LPIN2: variants seen among roughly 807,000 people sequenced by gnomAD.
LPIN2 encodes the protein lipin 2.
Under a neutral mutation model 111.4 loss-of-function variants are expected in LPIN2, and 55 were observed. The ratio of observed to expected loss-of-function variants is 0.49; its 90% CI spans 0.40 to 0.62. The LOEUF (loss-of-function observed/expected upper bound fraction) is 0.62, where lower values mean the gene tolerates loss of function less well. LPIN2 is among the 20% of genes least tolerant of loss of function. The pLI is 0.00. For synonymous variants in LPIN2, 425 were observed against 414.0 expected, an observed-to-expected ratio of 1.03 and a Z score of -0.32; for missense variants, 992 against 1,112.1, an observed-to-expected ratio of 0.89 and a Z score of 1.54.
intron 12 of LPIN2, among the ~76,000 whole-genome samples, chr18:2,927,404 G>A (rs953178102): frequency 3.9e-5 from 6 of 152,226 alleles, no homozygotes; most frequent in African/African-American, 1.4e-4. Flanking sequence ...GTAATACAGT[G>A]AAGCAGAAAG....
chr18:2,961,267 T>C (rs115992762), intron 1 of LPIN2, among the ~76,000 whole-genome samples: 1 of 152,100 alleles, frequency 6.6e-6, no homozygotes, highest in African/African-American at 2.4e-5. Flanking sequence ...AAAACAAACA[T>C]CATCCCCGGG....
Position 2,918,199 on chromosome 18 carries a change from C to A in LPIN2, c.*2094G>T, listed in dbSNP as rs2076997303. 6.6e-6 allele frequency: 1 copy of A among 152,208 alleles called. No homozygotes were observed. Among genetic ancestry groups the A allele is most frequent in the African/African-American group, 2.4e-5 (1 of 41,448 alleles). The allele number at this position is 152,208 out of a possible 1,614,324, so 9.4% of individuals were successfully genotyped here. On this transcript the variant is annotated 3_prime_UTR_variant, in exon 20 of 20. Coordinates refer to ENST00000677752, the MANE Select transcript of LPIN2 (RefSeq NM_001375808.2). ...ACAGAGGGACCAGCTACCCTCAACA[C>A]AGGGCCAGGAGAGCCGGGTCCTAGA...
chr18:3,010,873 AC>A lies in LPIN2; in HGVS notation c.-10+2213del, dbSNP rs548683990. Among the ~76,000 whole-genome samples, 198 of 152,252 alleles carry A rather than the reference AC, an allele frequency of 1.3e-3. 1 individual carries two copies. The highest frequency in any genetic ancestry group is 4.3e-3 in the African/African-American group (179 of 41,546). On this transcript the variant is annotated intron_variant, in intron 1 of 19. Transcript: ENST00000677752. ...TAATATTAATAAAAGTAAACATTTG[AC>A]CCTTTACCACCTCTAACACGTGGCA...
At chr18:2,941,219 T>C (rs1040029044) in intron 4 of LPIN2, among the ~76,000 whole-genome samples, 5 of 152,208 alleles carry the variant, frequency 3.3e-5, no homozygotes, top group Admixed American at 3.3e-4. Flanking sequence ...ACAAGATCTA[T>C]GGCTCAAAAT....
intron 2 of LPIN2, 49 bp from the exon 3 acceptor site, chr18:2,954,648 A>C: frequency 7.9e-7 from 1 of 1,269,036 alleles, no homozygotes; most frequent in African/African-American, 1.5e-5. Context: ...TCTTTCCTTC[A>C]AGTTAAACTA....
At chr18:2,974,280 G>A (rs1454159016) in intron 1 of LPIN2, among the ~76,000 whole-genome samples, 5 of 151,966 alleles carry the variant, frequency 3.3e-5, no homozygotes, top group South Asian at 2.1e-4. Flanking sequence ...GGGTTTCACC[G>A]TGTTAGCCAG....
At chr18:2,927,128 G>A (rs913811511) in intron 12 of LPIN2, among the ~76,000 whole-genome samples, 7 of 152,100 alleles carry the variant, frequency 4.6e-5, no homozygotes, top group African/African-American at 1.4e-4. Flanking sequence ...AACTCACCAC[G>A]TGCAGAAGGG....
At chr18:2,968,667 A>C (rs978024911) in intron 1 of LPIN2, among the ~76,000 whole-genome samples, 1 of 152,142 alleles carries the variant, frequency 6.6e-6, no homozygotes, top group African/African-American at 2.4e-5. Flanking sequence ...GAACAGATTA[A>C]GGAAGGAAGG....
intron 1 of LPIN2, among the ~76,000 whole-genome samples, chr18:2,968,325 A>C (rs976856718): frequency 5.3e-5 from 8 of 152,188 alleles, no homozygotes; most frequent in African/African-American, 1.9e-4. Context: ...ACTCAGAAAC[A>C]ATCACAAAAA....
In LPIN2 at chr18:2,929,109, A is replaced by G. The variant is rs2144150895; in HGVS notation, c.1506T>C (p.Pro502=). ...CAAGGTTAGGATTGTCTATAAGTCC[A>G]GGGTTTTCTGCAAATTCGTGATAAG... ...IITYHEFAEN[P]GLIDNPNLVI... Residue 502 remains proline (P), a synonymous_variant, in exon 10 of 20, where the codon CCT becomes CCC. Transcript: ENST00000677752. 1 of 1,607,560 alleles carries G rather than the reference A, an allele frequency of 6.2e-7. No homozygotes were observed. The highest frequency in any genetic ancestry group is 1.7e-5 in the Admixed American group (1 of 60,018).
At chr18:2,988,466 C>G (rs1342868617) in intron 1 of LPIN2, among the ~76,000 whole-genome samples, 1 of 152,206 alleles carries the variant, frequency 6.6e-6, no homozygotes, top group Non-Finnish European at 1.5e-5. Flanking sequence ...AATCTGCCTA[C>G]TTCAATCTAA....
chr18:2,938,396 C>T (rs1379681678), intron 6 of LPIN2, among the ~76,000 whole-genome samples: 3 of 152,036 alleles, frequency 2.0e-5, no homozygotes, highest in South Asian at 2.1e-4. Flanking sequence ...TGGTGGCAGG[C>T]GCCTGTAATC....
intron 1 of LPIN2, among the ~76,000 whole-genome samples, chr18:3,012,626 C>A (rs1386212757): frequency 6.6e-6 from 1 of 152,230 alleles, no homozygotes; most frequent in African/African-American, 2.4e-5. Flanking sequence ...AGATCACGTG[C>A]CCGGCGCCCC....
chr18:3,004,479 G>A (rs1000155824), intron 1 of LPIN2, among the ~76,000 whole-genome samples: 2 of 152,126 alleles, frequency 1.3e-5, no homozygotes, highest in Admixed American at 6.5e-5. Flanking sequence ...TGGTTCCCCC[G>A]ATACTGAACA....
intron 2 of LPIN2, among the ~76,000 whole-genome samples, chr18:2,958,035 G>A (rs1233853659): frequency 6.7e-6 from 1 of 150,364 alleles, no homozygotes; most frequent in Non-Finnish European, 1.5e-5. Context: ...CCAGCTACTC[G>A]GGAGGCTGAG....
chr18:2,924,345 C>A, intron 15 of LPIN2, 53 bp downstream of exon 15: 1 of 1,611,254 alleles, frequency 6.2e-7, no homozygotes, highest in East Asian at 2.2e-5. Context: ...ACTGCCTGCC[C>A]CTCCCTGAGC....
At chr18:2,965,327 T>A (rs529648167) in intron 1 of LPIN2, among the ~76,000 whole-genome samples, 1 of 152,222 alleles carries the variant, frequency 6.6e-6, no homozygotes, top group Admixed American at 6.5e-5. Flanking sequence ...GAATGAATGG[T>A]AGCTTTCAAG....
At chr18:2,921,148 C>T (rs2077048183) in intron 18 of LPIN2, 3 of 565,446 alleles carry the variant, frequency 5.3e-6, no homozygotes, top group South Asian at 2.0e-5. Context: ...CTTCTGCACA[C>T]CTGAGGCCCG....
At chr18:3,004,944 T>C (rs529453310) in intron 1 of LPIN2, among the ~76,000 whole-genome samples, 2 of 152,254 alleles carry the variant, frequency 1.3e-5, no homozygotes, top group East Asian at 3.9e-4. Context: ...CGGCTGGTAT[T>C]TCTCTCCTTG....
Sources: gnomAD v4.1 joint callset for allele counts (sites outside exome capture counted in the v4.1 genomes callset) on GRCh38, gnomAD v4.1.1 for gene constraint, MANE v1.5 for transcripts, NCBI Gene and HGNC (gene_info 2026-07-23, HGNC 2026-07-21) for gene names.